PTPN20: variants seen among roughly 807,000 people sequenced by gnomAD.
The protein encoded by PTPN20 is protein tyrosine phosphatase non-receptor type 20.
Under a neutral mutation model 35.0 loss-of-function variants are expected in PTPN20, and 9 were observed. The observed-to-expected ratio is 0.26, with a 90% CI of 0.15 to 0.45. PTPN20 has a LOEUF of 0.45. Ranked by LOEUF, PTPN20 falls within the 20% of genes least tolerant of loss-of-function variation. The pLI is 1.00. For synonymous variants in PTPN20, 32 were observed against 100.2 expected, an observed-to-expected ratio of 0.32 and a Z score of 4.06; for missense variants, 111 against 312.5, an observed-to-expected ratio of 0.36 and a Z score of 4.86.
rs2138288163 is a variant in PTPN20 at position 47,000,741 on chromosome 10, A to G, written c.1263A>G (p.Ter421=). The change falls in exon 11 of 11, where the codon TAA becomes TAG. Residue 421 remains the stop codon, a stop_retained_variant. Transcript: ENST00000374339. ...TTCGGAAACTTCTGACTTTGGATTA[A>G]GAAAGACTTCTGTTGCCTCTCACTT... is the stretch of plus-strand genomic sequence containing the variant. ...EVLRKLLTLD[*] 4.3e-6 allele frequency: 7 copies of G among 1,613,580 alleles called. No individual in the cohort carries two copies. Among genetic ancestry groups the G allele is most frequent in the Non-Finnish European group, 5.9e-6 (7 of 1,179,572 alleles).
intron 5 of PTPN20, among the ~76,000 whole-genome samples, chr10:46,960,788 T>G (rs1346953414): frequency 2.0e-5 from 3 of 151,410 alleles, no homozygotes; most frequent in African/African-American, 7.3e-5. Context: ...GTTTCACTCT[T>G]CATAGTTTCA....
At position 46,953,380 on chromosome 10, in the gene PTPN20, TTTCTTTCTTTCTTTC is replaced by T. The variant is rs1421594212; in HGVS notation, c.340+6708_340+6722del. Among the ~76,000 whole-genome samples, 39 of 143,424 alleles carry T rather than the reference TTTCTTTCTTTCTTTC, an allele frequency of 2.7e-4. 2 individuals carry two copies. The highest frequency in any genetic ancestry group is 1.0e-3 in the African/African-American group (35 of 34,310). 94.1% of individuals were successfully genotyped at this position (143,424 alleles called of 152,430 possible). On this transcript the variant is annotated intron_variant, in intron 5 of 10. Transcript: ENST00000374339. ...CTTTCTTTCTTTCTTTCTTTCTTTC[TTTCTTTCTTTCTTTC>T]TTTTTTTTTGACTTACTAACTTATT...
chr10:46,932,314 G>A (rs2039945311), intron 1 of PTPN20, 63 bp from the exon 2 acceptor site: 15 of 1,550,362 alleles, frequency 9.7e-6, no homozygotes, highest in South Asian at 1.3e-5. Context: ...GTAATAATAT[G>A]TCAAAGCTGT....
intron 9 of PTPN20, among the ~76,000 whole-genome samples, chr10:46,995,744 G>A (rs1390595057): frequency 6.6e-6 from 1 of 152,184 alleles, no homozygotes; most frequent in Non-Finnish European, 1.5e-5. Context: ...TAACCCAGAT[G>A]GTGGGAAACC....
chr10:46,923,779 G>T (rs1295264307), intron 1 of PTPN20, among the ~76,000 whole-genome samples: 1 of 150,722 alleles, frequency 6.6e-6, no homozygotes, highest in Non-Finnish European at 1.5e-5. Flanking sequence ...ACCATATTGG[G>T]AAGAATTGAG....
At chr10:47,003,445 C>T (rs1319371813), downstream of PTPN20, among the ~76,000 whole-genome samples, 3 of 151,972 alleles carry the variant, frequency 2.0e-5, no homozygotes, top group African/African-American at 4.8e-5. Context: ...TTTGTTCATA[C>T]GTTGTTCACA....
intron 7 of PTPN20, chr10:46,981,325 A>C (rs1217055730): frequency 6.9e-6 from 1 of 144,376 alleles, no homozygotes; most frequent in African/African-American, 2.6e-5. Context: ...GGTCTCATGA[A>C]CAAAGTGGCC....
At chr10:46,947,081 C>T (rs1204190870) in intron 5 of PTPN20, among the ~76,000 whole-genome samples, 2 of 141,062 alleles carry the variant, frequency 1.4e-5, no homozygotes, top group Non-Finnish European at 3.1e-5. Context: ...GAAAAAAAGA[C>T]AATAACAAAT....
chr10:46,953,395 C>CTTTCTTTCTTTCTTTCTTT (rs1341999684), intron 5 of PTPN20, among the ~76,000 whole-genome samples: 1 of 100,146 alleles, frequency 1.0e-5, no homozygotes, highest in Non-Finnish European at 2.0e-5. Context: ...TTCTTTCTTT[C>CTTTCTTTCTTTCTTTCTTT]TTTTTTTTTG....
At position 46,923,527 on chromosome 10, in the gene PTPN20, G is replaced by C. The variant is rs1172509540; in HGVS notation, c.-123-8850G>C. Among the ~76,000 whole-genome samples the C allele has an allele frequency of 3.3e-5, 5 of 149,952 alleles. No homozygotes were observed. The East Asian group carries it at 9.8e-4, about 29-fold the overall frequency. On this transcript the variant is annotated intron_variant, in intron 1 of 10. Coordinates refer to ENST00000374339, the MANE Select transcript of PTPN20 (RefSeq NM_001042357.5). ...TACTAAAGATCGGTTGACTACATTTGTGTGGATATATTTATATGGATACTG... is the reference window on the plus strand; with the variant it reads ...TACTAAAGATCGGTTGACTACATTTCTGTGGATATATTTATATGGATACTG...
chr10:46,937,685 A>G (rs1385741921), intron 2 of PTPN20, among the ~76,000 whole-genome samples: 2 of 151,622 alleles, frequency 1.3e-5, no homozygotes, highest in Non-Finnish European at 2.9e-5. Flanking sequence ...TACATGATTT[A>G]TATCTCTTTT....
At chr10:46,981,113 A>C (rs1235736466) in intron 7 of PTPN20, among the ~76,000 whole-genome samples, 2 of 150,102 alleles carry the variant, frequency 1.3e-5, no homozygotes, top group Non-Finnish European at 3.0e-5. Flanking sequence ...ATTGGTGACA[A>C]TAAGGTCTGG....
At chr10:46,977,198 T>C (rs2053981270) in intron 7 of PTPN20, among the ~76,000 whole-genome samples, 1 of 152,298 alleles carries the variant, frequency 6.6e-6, no homozygotes, top group Non-Finnish European at 1.5e-5. Flanking sequence ...GAATTCTACC[T>C]CCAGACTGCC....
intron 1 of PTPN20, among the ~76,000 whole-genome samples, chr10:46,929,843 T>C (rs1555117318): frequency 6.8e-6 from 1 of 146,296 alleles, no homozygotes; most frequent in Non-Finnish European, 1.5e-5. Context: ...GATTTTGTTT[T>C]TATCATATAG....
chr10:46,981,123 G>A (rs1437959138), intron 7 of PTPN20, among the ~76,000 whole-genome samples: 1 of 149,938 alleles, frequency 6.7e-6, no homozygotes, highest in African/African-American at 2.4e-5. Context: ...ATAAGGTCTG[G>A]GGAAGAGGCA....
intron 7 of PTPN20, among the ~76,000 whole-genome samples, chr10:46,970,831 T>G (rs1337033921): frequency 1.1e-5 from 1 of 87,312 alleles, no homozygotes; most frequent in Admixed American, 1.0e-4. Flanking sequence ...AGGTGGAAAC[T>G]GATCCAGACT....
intron 1 of PTPN20, among the ~76,000 whole-genome samples, chr10:46,928,584 C>T (rs1407618120): frequency 1.3e-5 from 2 of 151,934 alleles, no homozygotes; most frequent in Non-Finnish European, 2.9e-5. Flanking sequence ...CCTCTGAGCC[C>T]CCAGTCCTAT....
At chr10:46,959,134 C>T in intron 5 of PTPN20, among the ~76,000 whole-genome samples, 1 of 136,638 alleles carries the variant, frequency 7.3e-6, no homozygotes, top group South Asian at 2.5e-4. Flanking sequence ...TATTGTAAAA[C>T]TGTTTCTCTC....
chr10:46,940,605 C>T lies in PTPN20; in HGVS notation c.35-18C>T, dbSNP rs1331952937. On this transcript the variant is annotated intron_variant, in intron 2 of 10. Transcript: ENST00000374339. ...AGTGTTTTCTATTTGATCAGTTTTT[C>T]CCCCCGCCTTTGTTCAGTAAACGAT... 332 of 1,599,552 alleles carry T rather than the reference C, an allele frequency of 2.1e-4. No homozygotes were observed. Among genetic ancestry groups the T allele is most frequent in the Non-Finnish European group, 3.2e-5 (38 of 1,170,360 alleles).
Sources: allele counts gnomAD v4.1 joint callset (sites outside exome capture counted in the v4.1 genomes callset), GRCh38; gene constraint gnomAD v4.1.1; transcripts MANE v1.5; gene names NCBI Gene and HGNC (gene_info 2026-07-23, HGNC 2026-07-21).